The following PRSS23 variants were observed in gnomAD, a reference collection of about 807,000 sequenced individuals.
PRSS23 encodes the protein protease, serine 23.
Under a neutral mutation model 34.7 loss-of-function variants are expected in PRSS23, and 25 were observed. The ratio of observed to expected loss-of-function variants is 0.72; its 90% CI spans 0.53 to 1.01. The LOEUF is 1.01. PRSS23 is among the 50% of genes least tolerant of loss of function. PRSS23 has a pLI of 0.00. For missense variants in PRSS23, 445 were observed against 475.6 expected (o/e 0.94, Z 0.60); for synonymous variants, 176 against 186.6 (o/e 0.94, Z 0.46).
rs1169755179 is a variant in PRSS23, at chr11:86,945,886, C to T, written c.207-5330C>T. 2.0e-5 allele frequency: 3 copies of T among 152,614 alleles called. No individual in the cohort carries two copies. The allele number at this position is 152,614 out of a possible 1,614,324, so 9.5% of individuals were successfully genotyped here. A position where few individuals can be genotyped will look rare whatever the true frequency, so the allele number is the denominator to read the frequency against. On this transcript the variant is annotated intron_variant, in intron 2 of 2. Coordinates refer to the PRSS23 transcript ENST00000533902. ...GTTTGCCTGGTACCTCTTTGTCAAA[C>T]ATCTGAAAGTCCCCCAGATTGGCTT...
At chr11:86,817,833 C>T (rs555984446) in intron 1 of PRSS23, among the ~76,000 whole-genome samples, 1 of 152,310 alleles carries the variant, frequency 6.6e-6, no homozygotes, top group Non-Finnish European at 1.5e-5. Context: ...ATGAAGTAGG[C>T]ATTGATTTTG....
intron 2 of PRSS23, chr11:86,947,470 A>T (rs1329559034): frequency 6.6e-6 from 1 of 152,286 alleles, no homozygotes. Flanking sequence ...GAGAGTATAG[A>T]GCTAAAAGGT....
intron 2 of PRSS23, among the ~76,000 whole-genome samples, chr11:86,939,401 A>ATAT (rs1555083983): frequency 1.2e-3 from 67 of 56,844 alleles, no homozygotes; most frequent in African/African-American, 2.9e-3. Flanking sequence ...GTTAAAAAAA[A>ATAT]AAATATATAT....
At chr11:86,862,929 T>C (rs999032216) in intron 2 of PRSS23, among the ~76,000 whole-genome samples, 4 of 151,996 alleles carry the variant, frequency 2.6e-5, no homozygotes, top group African/African-American at 9.7e-5. Flanking sequence ...CCCAGTGATA[T>C]GATTTGTAAT....
At chr11:86,879,526 C>T (rs1281532984) in intron 2 of PRSS23, among the ~76,000 whole-genome samples, 1 of 141,256 alleles carries the variant, frequency 7.1e-6, no homozygotes, top group Non-Finnish European at 1.6e-5. Context: ...CCCGGCCAGC[C>T]GCCCCGTCCG....
intron 2 of PRSS23, among the ~76,000 whole-genome samples, chr11:86,916,948 G>A (rs1283682263): frequency 6.6e-6 from 1 of 152,192 alleles, no homozygotes; most frequent in Non-Finnish European, 1.5e-5. Context: ...CCAGCACCGA[G>A]GCTCAGTTCA....
intron 1 of PRSS23, among the ~76,000 whole-genome samples, chr11:86,819,866 A>G (rs1948240531): frequency 6.6e-6 from 1 of 152,242 alleles, no homozygotes; most frequent in Admixed American, 6.5e-5. Context: ...CTTTCTTCAC[A>G]ACATGTACAA....
chr11:86,921,657 G>A (rs915010133), intron 2 of PRSS23: 3 of 152,184 alleles, frequency 2.0e-5, no homozygotes, highest in Non-Finnish European at 4.4e-5. Context: ...TCCCACCGAT[G>A]ATCTGAATCA....
At chr11:86,916,286 G>A (rs944065403) in intron 2 of PRSS23, among the ~76,000 whole-genome samples, 2 of 152,086 alleles carry the variant, frequency 1.3e-5, no homozygotes, top group African/African-American at 4.8e-5. Context: ...TCTATGATGA[G>A]AATTGCTTTT....
chr11:86,947,989 C>T (rs1949257842), intron 2 of PRSS23: 1 of 152,242 alleles, frequency 6.6e-6, no homozygotes, highest in Non-Finnish European at 1.5e-5. Flanking sequence ...TGGAATACCC[C>T]AAGCCCTGAA....
chr11:86,873,215 C>T (rs11234844), intron 2 of PRSS23, among the ~76,000 whole-genome samples: 19 of 90,836 alleles, frequency 2.1e-4, no homozygotes, highest in African/African-American at 8.8e-4. Flanking sequence ...CACACACACA[C>T]AGATATATGT....
At chr11:86,860,739 G>A (rs926391079) in intron 2 of PRSS23, among the ~76,000 whole-genome samples, 7 of 151,882 alleles carry the variant, frequency 4.6e-5, no homozygotes, top group South Asian at 2.1e-4. Flanking sequence ...CCGGTGGTTT[G>A]ACCCCCCTTG....
chr11:86,817,721 C>A (rs1288303715), intron 1 of PRSS23, among the ~76,000 whole-genome samples: 1 of 152,210 alleles, frequency 6.6e-6, no homozygotes, highest in African/African-American at 2.4e-5. Flanking sequence ...TCAGATCATT[C>A]ATTTATGAAA....
At chr11:86,868,069 A>C (rs1948662246) in intron 2 of PRSS23, among the ~76,000 whole-genome samples, 1 of 107,032 alleles carries the variant, frequency 9.3e-6, no homozygotes, top group African/African-American at 3.8e-5. Flanking sequence ...GCCAAGGAGG[A>C]AAAAAAAGTG....
chr11:86,834,531 C>CTTTCCTTTCCTTTCCTTTCCTTTCCTT (rs1948387789), intron 2 of PRSS23, among the ~76,000 whole-genome samples: 9 of 138,994 alleles, frequency 6.5e-5, no homozygotes, highest in African/African-American at 2.4e-4. Flanking sequence ...CTTTCCTTTC[C>CTTTCCTTTCCTTTCCTTTCCTTTCCTT]TTTCCTTTCC....
chr11:86,817,670 A>C (rs1408763235), intron 1 of PRSS23, among the ~76,000 whole-genome samples: 4 of 152,164 alleles, frequency 2.6e-5, no homozygotes, highest in African/African-American at 9.7e-5. Context: ...TTCTTCATGA[A>C]TTTGTTCTTG....
intron 2 of PRSS23, among the ~76,000 whole-genome samples, chr11:86,893,776 T>C (rs1413713824): frequency 1.3e-5 from 2 of 152,130 alleles, no homozygotes; most frequent in African/African-American, 4.8e-5. Context: ...CTCATACAAA[T>C]ATAAAATGAA....
chr11:86,939,426 A>ATATATATTTTT lies in PRSS23; in HGVS notation c.207-11789_207-11788insATATATTTTTT. Reference sequence around the variant, plus strand: ...AAAATATATATATATATATATATATATTTTTTAACATGAGTAAAAATTGCA... The same window carrying ATATATATTTTT: ...AAAATATATATATATATATATATATATATATATTTTTTTTTTTAACATGAGTAAAAATTGCA... On this transcript the variant is annotated intron_variant, in intron 2 of 2. Coordinates refer to the PRSS23 transcript ENST00000533902. Among the ~76,000 whole-genome samples, 62 of 94,022 alleles carry ATATATATTTTT rather than the reference A, an allele frequency of 6.6e-4. 1 individual carries two copies. Among genetic ancestry groups the ATATATATTTTT allele is most frequent in the Non-Finnish European group, 9.3e-4 (40 of 43,126 alleles). The allele number at this position is 94,022 out of a possible 152,430, so 61.7% of individuals were successfully genotyped here. A position where few individuals can be genotyped will look rare whatever the true frequency, so the allele number is the denominator to read the frequency against.
intron 1 of PRSS23, among the ~76,000 whole-genome samples, chr11:86,803,816 A>G (rs932985921): frequency 9.9e-5 from 15 of 152,162 alleles, no homozygotes; most frequent in African/African-American, 2.9e-4. Flanking sequence ...TTGCTATAGG[A>G]GTTAAATCAT....
Sources: allele counts gnomAD v4.1 joint callset (sites outside exome capture counted in the v4.1 genomes callset), GRCh38; gene constraint gnomAD v4.1.1; transcripts MANE v1.5; gene names NCBI Gene and HGNC (gene_info 2026-07-23, HGNC 2026-07-21).